The following KDM4B variants were observed in gnomAD, a reference collection of about 807,000 sequenced individuals.
KDM4B encodes the protein lysine demethylase 4B.
In KDM4B, 32 loss-of-function variants were observed where a neutral mutation model predicts 125.2. The observed-to-expected ratio is 0.26, with a 90% CI of 0.19 to 0.34. KDM4B has a LOEUF of 0.34. Ranked by LOEUF, KDM4B falls within the 10% of genes least tolerant of loss-of-function variation. The pLI is 1.00. For synonymous variants in KDM4B, 721 were observed against 677.9 expected, an observed-to-expected ratio of 1.06 and a Z score of -0.99; for missense variants, 1,190 against 1,577.7, an observed-to-expected ratio of 0.75 and a Z score of 4.16.
In KDM4B at chr19:4,985,684, A is replaced by G. The variant is rs112041692; in HGVS notation, c.-109+16454A>G. Among the ~76,000 whole-genome samples the G allele has an allele frequency of 5.9e-5, 9 of 152,340 alleles. 2 individuals carry two copies. Among genetic ancestry groups the G allele is most frequent in the African/African-American group, 2.2e-4 (9 of 41,588 alleles). ...CATGGCAGGAGGCTTTGGGGGCCGA[A>G]TGTGCAGTGGAAGCCTGGATGGTGA... On this transcript the variant is annotated intron_variant, in intron 1 of 22. Coordinates refer to ENST00000159111, the MANE Select transcript of KDM4B (RefSeq NM_015015.3).
At chr19:5,041,285 A>G in intron 5 of KDM4B, 34 bp downstream of exon 5, 1 of 1,537,416 alleles carries the variant, frequency 6.5e-7, no homozygotes. Context: ...AACAGGGACC[A>G]GCTTCCTGGT....
intron 6 of KDM4B, 108 bp from the exon 7 acceptor site, chr19:5,070,902 T>C: frequency 8.6e-7 from 1 of 1,156,846 alleles, no homozygotes; most frequent in African/African-American, 1.5e-5. Flanking sequence ...TCCACTTTGC[T>C]TCTGCCCTGG....
intron 1 of KDM4B, among the ~76,000 whole-genome samples, chr19:4,986,971 T>C (rs945665168): frequency 6.6e-6 from 1 of 151,932 alleles, no homozygotes; most frequent in Non-Finnish European, 1.5e-5. Context: ...ATTTTTTTTT[T>C]TGTGAGACGG....
At chr19:5,052,042 T>C (rs1247357391) in intron 6 of KDM4B, among the ~76,000 whole-genome samples, 1 of 152,070 alleles carries the variant, frequency 6.6e-6, no homozygotes, top group African/African-American at 2.4e-5. Flanking sequence ...CAGACCCTCC[T>C]GAGTGCTGCG....
At chr19:5,144,615 G>C (rs1487914987) in intron 20 of KDM4B, among the ~76,000 whole-genome samples, 168 bp from the exon 21 acceptor site, 1 of 152,194 alleles carries the variant, frequency 6.6e-6, no homozygotes, top group South Asian at 2.1e-4. Context: ...AGCAGAAAGC[G>C]ACCCGCAGCC....
chr19:5,136,365 G>C (rs12977755), intron 15 of KDM4B, among the ~76,000 whole-genome samples: 28,692 of 152,174 alleles, frequency 0.19, 2,762 homozygotes, highest in Admixed American at 0.22. Flanking sequence ...GCGGTGGCAG[G>C]AATTGGACTT....
At chr19:5,020,540 C>T (rs1241702626) in intron 2 of KDM4B, among the ~76,000 whole-genome samples, 3 of 152,168 alleles carry the variant, frequency 2.0e-5, no homozygotes, top group South Asian at 2.1e-4. Flanking sequence ...AAAAGACTCT[C>T]GGAATAGTTG....
intron 21 of KDM4B, among the ~76,000 whole-genome samples, chr19:5,149,975 G>A (rs569023082): frequency 1.3e-4 from 20 of 152,310 alleles, no homozygotes; most frequent in African/African-American, 1.7e-4. Flanking sequence ...AGGGCACTGC[G>A]CCTCCTGCCT....
Position 5,116,393 on chromosome 19 carries a change from T to C in KDM4B, c.1116-3260T>C, listed in dbSNP as rs147360507. Among the ~76,000 whole-genome samples the C allele has an allele frequency of 2.9e-3, 446 of 152,182 alleles. 2 individuals are homozygous for C. The highest frequency in any genetic ancestry group is 0.01 in the African/African-American group (418 of 41,518). On this transcript the variant is annotated intron_variant, in intron 10 of 22. Coordinates refer to ENST00000159111, the MANE Select transcript of KDM4B (RefSeq NM_015015.3). Reference sequence around the variant, plus strand: ...TCCCCAAATCTTTTACCTAGCCAAATTGTCAAGAAATGTGTGAGGGGAATA... The same window carrying C: ...TCCCCAAATCTTTTACCTAGCCAAACTGTCAAGAAATGTGTGAGGGGAATA...
intron 9 of KDM4B, among the ~76,000 whole-genome samples, chr19:5,096,749 C>T (rs544153692): frequency 6.7e-6 from 1 of 148,518 alleles, no homozygotes; most frequent in Non-Finnish European, 1.5e-5. Context: ...GCGGTGCCCC[C>T]GGCGGTGTCG....
chr19:5,123,265 A>G (rs960539024), intron 11 of KDM4B, among the ~76,000 whole-genome samples: 2 of 152,210 alleles, frequency 1.3e-5, no homozygotes, highest in Non-Finnish European at 2.9e-5. Flanking sequence ...GAAATGGCTG[A>G]AATGTACAAT....
intron 16 of KDM4B, 129 bp downstream of exon 16, chr19:5,137,467 G>A: frequency 8.3e-7 from 1 of 1,203,908 alleles, no homozygotes; most frequent in Non-Finnish European, 1.2e-6. Context: ...CCCTGAGGGG[G>A]TGGAACCCAA....
Position 5,131,175 on chromosome 19 carries a change from A to T in KDM4B, c.1415A>T (p.His472Leu). The part of the protein sequence containing the change: ...LPPQLPPPPA[H>L]FPSEEALWLP... ...CCACAGCTGCCGCCCCCGCCTGCTCACTTCCCCTCAGAGGAGGCGCTGTGG... is the reference window on the plus strand; with the variant it reads ...CCACAGCTGCCGCCCCCGCCTGCTCTCTTCCCCTCAGAGGAGGCGCTGTGG... Residue 472 changes from histidine to leucine, a missense_variant, in exon 12 of 23, where the codon CAC (histidine) becomes CTC (leucine). His to Leu is a moderately conservative substitution (Grantham distance 99). This residue lies in a region of KDM4B where 428 missense variants were observed against 405.1 expected (regional missense o/e 1.06). Coordinates refer to ENST00000159111, the MANE Select transcript of KDM4B (RefSeq NM_015015.3). 6.3e-7 allele frequency: 1 copy of T among 1,596,064 alleles called. No individual in the cohort carries two copies. Among genetic ancestry groups the T allele is most frequent in the Non-Finnish European group, 8.5e-7 (1 of 1,170,630 alleles).
chr19:4,985,681 C>A (rs1225588501), intron 1 of KDM4B, among the ~76,000 whole-genome samples: 2 of 152,194 alleles, frequency 1.3e-5, no homozygotes, highest in Admixed American at 1.3e-4. Context: ...CTTTGGGGGC[C>A]GAATGTGCAG....
intron 6 of KDM4B, among the ~76,000 whole-genome samples, chr19:5,069,648 C>T (rs2037884813): frequency 6.6e-6 from 1 of 152,044 alleles, no homozygotes; most frequent in African/African-American, 2.4e-5. Flanking sequence ...GAGTCTCACT[C>T]TCTCGCCCAG....
At chr19:5,112,102 A>G (rs1294764022) in intron 10 of KDM4B, 1 of 401,400 alleles carries the variant, frequency 2.5e-6, no homozygotes, top group Non-Finnish European at 4.6e-6. Context: ...AAAATTTAAA[A>G]ATCAGCTGGG....
At chr19:5,122,012 G>A (rs2039370312) in intron 11 of KDM4B, among the ~76,000 whole-genome samples, 1 of 152,128 alleles carries the variant, frequency 6.6e-6, no homozygotes, top group South Asian at 2.1e-4. Context: ...CTCTGTGAGT[G>A]CCCTGGGGCC....
At chr19:5,000,690 AT>A (rs1040491687) in intron 1 of KDM4B, among the ~76,000 whole-genome samples, 8 of 151,950 alleles carry the variant, frequency 5.3e-5, no homozygotes, top group Non-Finnish European at 8.8e-5. Context: ...TAGTTCTTCC[AT>A]TTTTTTCCCC....
intron 11 of KDM4B, among the ~76,000 whole-genome samples, chr19:5,120,922 C>T (rs1010264265): frequency 6.6e-6 from 1 of 152,192 alleles, no homozygotes; most frequent in African/African-American, 2.4e-5. Flanking sequence ...CCTCAGTTTC[C>T]CTCTGTATGA....
Sources: gnomAD v4.1 joint callset for allele counts (sites outside exome capture counted in the v4.1 genomes callset) on GRCh38, gnomAD v4.1.1 for gene constraint, gnomAD v4.1.1 regional missense constraint, MANE v1.5 for transcripts, NCBI Gene and HGNC (gene_info 2026-07-23, HGNC 2026-07-21) for gene names.